KCTD2: variants seen among roughly 807,000 people sequenced by gnomAD.
KCTD2 encodes BTB/POZ domain-containing protein KCTD2.
A neutral mutation model predicts 27.9 loss-of-function variants in KCTD2; 18 were observed. The observed-to-expected ratio is 0.64, with a 90% CI of 0.45 to 0.96. The LOEUF (loss-of-function observed/expected upper bound fraction) is 0.96, where lower values mean the gene tolerates loss of function less well. Ranked by LOEUF, KCTD2 falls within the 40% of genes least tolerant of loss-of-function variation. KCTD2 has a pLI of 0.00. For synonymous variants in KCTD2, 175 were observed against 148.4 expected (o/e 1.18, Z -1.30); for missense variants, 280 against 348.0 (o/e 0.80, Z 1.56).
chr17:75,060,644 G>A, intron 4 of KCTD2: 4 of 1,556,706 alleles, frequency 2.6e-6, no homozygotes, highest in Non-Finnish European at 2.6e-6. Context: ...TGGCGAGTGG[G>A]CCCGGCCAGG....
chr17:75,047,621 C>A, intron 1 of KCTD2, 32 bp downstream of exon 1: 1 of 1,586,600 alleles, frequency 6.3e-7, no homozygotes, highest in African/African-American at 1.4e-5. Flanking sequence ...GCCCCCGGGC[C>A]TTCGAACCCC....
At position 75,063,467 on chromosome 17, in the gene KCTD2, A is replaced by G. The variant is rs530010294; in HGVS notation, c.*420A>G. 4.8e-5 allele frequency: 10 copies of G among 207,694 alleles called. No homozygotes were observed. Among genetic ancestry groups the G allele is most frequent in the African/African-American group, 1.8e-4 (8 of 44,344 alleles). The allele number at this position is 207,694 out of a possible 1,614,324, so 12.9% of individuals were successfully genotyped here. A position where few individuals can be genotyped will look rare whatever the true frequency, so the allele number is the denominator to read the frequency against. ...ATGGTTTCACCCTATGTGTGCCACA[A>G]TGGACGTTAGCAGCTGCTTCGGAAC... On this transcript the variant is annotated 3_prime_UTR_variant, in exon 6 of 6. Coordinates refer to ENST00000322444, the MANE Select transcript of KCTD2 (RefSeq NM_015353.3).
chr17:75,062,941 G>A, intron 5 of KCTD2, 77 bp from the exon 6 acceptor site: 1 of 1,493,902 alleles, frequency 6.7e-7, no homozygotes, highest in Non-Finnish European at 9.3e-7. Flanking sequence ...CACTCATCGG[G>A]TCCAGTGGAA....
At chr17:75,062,023 C>G (rs560253578) in intron 4 of KCTD2, 97 bp from the exon 5 acceptor site, 32 of 1,430,942 alleles carry the variant, frequency 2.2e-5, no homozygotes, top group East Asian at 1.4e-4. Context: ...CCTTTGATAA[C>G]TTAAAAGTTC....
At chr17:75,062,074 T>A in intron 4 of KCTD2, 46 bp from the exon 5 acceptor site, 1 of 1,610,960 alleles carries the variant, frequency 6.2e-7, no homozygotes, top group Non-Finnish European at 8.5e-7. Flanking sequence ...TTCGAAAGTA[T>A]GTTAAGATTG....
chr17:75,042,485 G>C (rs2073171274), upstream of KCTD2: 1 of 1,594,492 alleles, frequency 6.3e-7, no homozygotes, highest in Non-Finnish European at 8.5e-7. Context: ...TTTGTTTCTA[G>C]ATTCAGTGGC....
intron 1 of KCTD2, chr17:75,033,909 C>G (rs754453242): frequency 1.3e-5 from 2 of 152,296 alleles, no homozygotes; most frequent in Admixed American, 1.3e-4. Context: ...GCCCCAAGCC[C>G]CAGTGGCCTA....
intron 2 of KCTD2, among the ~76,000 whole-genome samples, chr17:75,050,655 A>G (rs1205290444): frequency 6.6e-6 from 1 of 152,212 alleles, no homozygotes; most frequent in African/African-American, 2.4e-5. Context: ...TTGTGATACA[A>G]AAATTCAATT....
intron 3 of KCTD2, among the ~76,000 whole-genome samples, chr17:75,053,445 CT>C (rs796593176): frequency 4.6e-4 from 68 of 146,294 alleles, no homozygotes; most frequent in Middle Eastern, 3.5e-3. Context: ...GTTGGCCGCT[CT>C]TTTTTTTTTT....
intron 2 of KCTD2, 46 bp from the exon 3 acceptor site, chr17:75,052,968 G>A (rs1326113584): frequency 5.6e-6 from 8 of 1,421,276 alleles, no homozygotes; most frequent in Non-Finnish European, 8.0e-6. Flanking sequence ...GTGTTTTTCT[G>A]GCAAACCCTC....
At chr17:75,049,808 T>C (rs1276600702) in intron 2 of KCTD2, among the ~76,000 whole-genome samples, 1 of 152,250 alleles carries the variant, frequency 6.6e-6, no homozygotes, top group East Asian at 1.9e-4. Context: ...ACCTAATTCA[T>C]TCTCTAGTTC....
chr17:75,042,027 C>T, intron 3 of KCTD2: 1 of 618,506 alleles, frequency 1.6e-6, no homozygotes. Flanking sequence ...CACCTATTTA[C>T]AGTTCAATCG....
chr17:75,044,654 G>C (rs2073195039), upstream of KCTD2, among the ~76,000 whole-genome samples: 1 of 152,000 alleles, frequency 6.6e-6, no homozygotes, highest in Non-Finnish European at 1.5e-5. Context: ...CATTTTAAGA[G>C]GTATTCAACA....
At chr17:75,043,629 C>T (rs796434185), upstream of KCTD2, among the ~76,000 whole-genome samples, 264 of 137,588 alleles carry the variant, frequency 1.9e-3, 4 homozygotes, top group African/African-American at 7.1e-3. Context: ...AAAAAAAAAA[C>T]AAACCCCAGC....
intron 1 of KCTD2, among the ~76,000 whole-genome samples, chr17:75,047,801 A>C: frequency 6.7e-6 from 1 of 149,760 alleles, no homozygotes; most frequent in African/African-American, 2.5e-5. Context: ...TTTCTCCCCG[A>C]CCCCGCCCTT....
intron 1 of KCTD2, 40 bp downstream of exon 1, chr17:75,047,629 C>G (rs755181489): frequency 6.3e-7 from 1 of 1,575,390 alleles, no homozygotes; most frequent in South Asian, 1.1e-5. Flanking sequence ...GCCTTCGAAC[C>G]CCCTGGTTTC....
At chr17:75,034,489 T>C (rs2040095471) in intron 2 of KCTD2, among the ~76,000 whole-genome samples, 2 of 152,118 alleles carry the variant, frequency 1.3e-5, no homozygotes, top group South Asian at 2.1e-4. Context: ...GCCTTATCCA[T>C]TAGGCCACTG....
At chr17:75,046,043 T>A (rs2073212212), upstream of KCTD2, among the ~76,000 whole-genome samples, 3 of 152,246 alleles carry the variant, frequency 2.0e-5, no homozygotes, top group African/African-American at 7.2e-5. Flanking sequence ...GGTCCCTGAT[T>A]TCCCGCAACA....
intron 3 of KCTD2, among the ~76,000 whole-genome samples, chr17:75,038,595 C>G (rs886236662): frequency 6.6e-6 from 1 of 152,146 alleles, no homozygotes; most frequent in African/African-American, 2.4e-5. Flanking sequence ...GGGTTTGAAA[C>G]CAAAGAGGAA....
Sources: allele counts gnomAD v4.1 joint callset (sites outside exome capture counted in the v4.1 genomes callset), GRCh38; gene constraint gnomAD v4.1.1; transcripts MANE v1.5; gene names NCBI Gene and HGNC (gene_info 2026-07-23, HGNC 2026-07-21).